The following NCAM2 variants were observed in gnomAD, a reference collection of about 807,000 sequenced individuals.
NCAM2 encodes the protein neural cell adhesion molecule 2.
In NCAM2, 30 loss-of-function variants were observed where a neutral mutation model predicts 98.1. The ratio of observed to expected loss-of-function variants is 0.31; its 90% CI spans 0.23 to 0.41. The LOEUF is 0.41. Ranked by LOEUF, NCAM2 falls within the 10% of genes least tolerant of loss-of-function variation. NCAM2 has a pLI of 1.00. For missense variants in NCAM2, 867 were observed against 1,005.8 expected (o/e 0.86, Z 1.87); for synonymous variants, 368 against 342.4 (o/e 1.07, Z -0.83).
At chr21:21,068,158 A>G (rs538491300) in intron 1 of NCAM2, among the ~76,000 whole-genome samples, 200 of 122,674 alleles carry the variant, frequency 1.6e-3, no homozygotes, top group Admixed American at 3.6e-3. Context: ...TTTTTTTGAG[A>G]CGGAGTCTTG....
chr21:21,453,904 C>G (rs769184975), intron 12 of NCAM2, among the ~76,000 whole-genome samples: 2 of 151,886 alleles, frequency 1.3e-5, no homozygotes, highest in African/African-American at 4.8e-5. Context: ...TTTCTTTCTT[C>G]GGTATGGTGT....
intron 1 of NCAM2, among the ~76,000 whole-genome samples, chr21:21,054,369 A>G (rs2065172258): frequency 6.6e-6 from 1 of 152,026 alleles, no homozygotes; most frequent in Non-Finnish European, 1.5e-5. Context: ...TGTAAATCTT[A>G]CTGCTAACGT....
chr21:21,212,697 C>G (rs2069705057), intron 1 of NCAM2, among the ~76,000 whole-genome samples: 1 of 148,022 alleles, frequency 6.8e-6, no homozygotes, highest in African/African-American at 2.5e-5. Flanking sequence ...TGAGGTGTCT[C>G]TATATTGCTT....
intron 1 of NCAM2, among the ~76,000 whole-genome samples, chr21:21,244,118 T>C (rs1201738062): frequency 2.0e-5 from 3 of 152,142 alleles, no homozygotes; most frequent in Non-Finnish European, 4.4e-5. Context: ...ACTGTAATAA[T>C]GTGAGGCTGA....
intron 8 of NCAM2, among the ~76,000 whole-genome samples, chr21:21,349,502 C>T (rs2075278543): frequency 6.6e-6 from 1 of 152,028 alleles, no homozygotes; most frequent in South Asian, 2.1e-4. Flanking sequence ...AGTAAAATAG[C>T]AATGGAGAAC....
chr21:21,506,589 T>C (rs772671436), intron 15 of NCAM2, among the ~76,000 whole-genome samples: 16 of 152,118 alleles, frequency 1.1e-4, no homozygotes, highest in Non-Finnish European at 4.4e-5. Flanking sequence ...TACACTTGTT[T>C]ATTGAGATTT....
intron 8 of NCAM2, among the ~76,000 whole-genome samples, chr21:21,351,660 A>T (rs1181352755): frequency 6.6e-6 from 1 of 152,158 alleles, no homozygotes; most frequent in Non-Finnish European, 1.5e-5. Flanking sequence ...GTTTTAACAT[A>T]ATTTTGTCAC....
chr21:21,180,187 G>A (rs1177149346), intron 1 of NCAM2, among the ~76,000 whole-genome samples: 6 of 152,044 alleles, frequency 3.9e-5, no homozygotes, highest in Admixed American at 6.6e-5. Context: ...TAACTCTTAA[G>A]ACCCAGACCT....
chr21:21,461,911 G>A (rs1983029118), intron 12 of NCAM2, among the ~76,000 whole-genome samples: 1 of 151,890 alleles, frequency 6.6e-6, no homozygotes, highest in South Asian at 2.1e-4. Context: ...GTGTGGAGCT[G>A]GCATCAAAGT....
chr21:21,272,660 A>G (rs1438913784), intron 1 of NCAM2, among the ~76,000 whole-genome samples: 1 of 152,110 alleles, frequency 6.6e-6, no homozygotes. Flanking sequence ...TTTAAGGGAC[A>G]TTTAAAAAAA....
rs765003346 is a variant in NCAM2, at chr21:21,310,934, G to GT, written c.620-13448dup. ...AGCACAGCTTTAGAACAGCTTTATA[G>GT]TAAGTCCCACAGTTGAGACCTACTT... is the stretch of plus-strand genomic sequence containing the variant. On this transcript the variant is annotated intron_variant, in intron 5 of 17. Transcript: ENST00000400546. Among the ~76,000 whole-genome samples the GT allele has an allele frequency of 5.8e-4, 88 of 152,202 alleles. 1 individual carries two copies. Among genetic ancestry groups the GT allele is most frequent in the South Asian group, 6.2e-4 (3 of 4,826 alleles).
intron 1 of NCAM2, among the ~76,000 whole-genome samples, chr21:21,099,557 A>G (rs546259403): frequency 1.3e-5 from 2 of 151,988 alleles, no homozygotes; most frequent in South Asian, 4.2e-4. Flanking sequence ...CTCACTCACT[A>G]TCATGAGAAC....
chr21:21,508,808 C>CTTTTTTT lies in NCAM2; in HGVS notation c.2078-17_2078-11dup, dbSNP rs764097299. 1.7e-3 allele frequency: 701 copies of CTTTTTTT among 413,360 alleles called. 51 individuals carry two copies. The highest frequency in any genetic ancestry group is 3.5e-3 in the African/African-American group (103 of 29,390). The allele number at this position is 413,360 out of a possible 1,614,324, so 25.6% of individuals were successfully genotyped here. The stretch of plus-strand genomic sequence containing the variant: ...ATTTAGAGGTTTAATACTTTTTTTC[C>CTTTTTTT]TTTTTTTTTTTTTTTTTTTTTTTTT... On this transcript the variant is annotated intron_variant, in intron 15 of 17. Transcript: ENST00000400546.
chr21:21,468,420 G>C (rs1218540188), intron 13 of NCAM2, among the ~76,000 whole-genome samples: 1 of 151,912 alleles, frequency 6.6e-6, no homozygotes, highest in African/African-American at 2.4e-5. Flanking sequence ...TTGCATATCA[G>C]TGAAAATAAT....
At position 21,286,307 on chromosome 21, in the gene NCAM2, T is replaced by C; in HGVS notation, c.376T>C (p.Phe126Leu). ...TFREVVSPQE[F>L]KQGEDAEVVC... ...CAGAGAAGTGGTATCTCCACAAGAATTCAAACAAGGAGAAGATGCAGAAGT... is the reference window on the plus strand; with the variant it reads ...CAGAGAAGTGGTATCTCCACAAGAACTCAAACAAGGAGAAGATGCAGAAGT... Residue 126 changes from phenylalanine (F) to leucine (L), a missense_variant, in exon 4 of 18, where the codon TTC (phenylalanine) becomes CTC (leucine). Physicochemically the swap from Phe to Leu is conservative, Grantham distance 22. Transcript: ENST00000400546. 6.2e-7 allele frequency: 1 copy of C among 1,611,636 alleles called. No homozygotes were observed. The highest frequency in any genetic ancestry group is 8.5e-7 in the Non-Finnish European group (1 of 1,178,678).
rs2074936825 is a variant in NCAM2 at position 21,338,406 on chromosome 21, C to T, written c.916C>T (p.Gln306Ter). 1 of 1,610,990 alleles carries T rather than the reference C, an allele frequency of 6.2e-7. No individual in the cohort carries two copies. Among genetic ancestry groups the T allele is most frequent in the Non-Finnish European group, 8.5e-7 (1 of 1,177,880 alleles). ...LQVFVQPHII[Q>*]LKNETTYENG... ...CTTTACAGTACAGCCTCACATAATA[C>T]AGCTTAAAAATGAAACTACATATGA... The change falls in exon 8 of 18, where the codon CAG becomes TAG. Residue 306 changes from glutamine to a stop codon, truncating the protein, a stop_gained. Transcript: ENST00000400546. LOFTEE classifies it high-confidence loss of function.
chr21:21,356,004 C>T (rs2075469501), intron 8 of NCAM2, among the ~76,000 whole-genome samples: 1 of 152,126 alleles, frequency 6.6e-6, no homozygotes, highest in African/African-American at 2.4e-5. Context: ...CCAAAGTGGT[C>T]CTTGCTGTTT....
At chr21:21,283,348 A>C (rs1472302217) in intron 2 of NCAM2, among the ~76,000 whole-genome samples, 2 of 151,962 alleles carry the variant, frequency 1.3e-5, no homozygotes, top group Non-Finnish European at 1.5e-5. Flanking sequence ...TGCTGCTTCC[A>C]TAAATGATAT....
chr21:21,060,549 T>C (rs1307180400), intron 1 of NCAM2, among the ~76,000 whole-genome samples: 3 of 152,112 alleles, frequency 2.0e-5, no homozygotes, highest in Non-Finnish European at 4.4e-5. Context: ...TCAAGACATA[T>C]GGGAACATTA....
Sources: allele counts gnomAD v4.1 joint callset (sites outside exome capture counted in the v4.1 genomes callset), GRCh38; gene constraint gnomAD v4.1.1; transcripts MANE v1.5; gene names NCBI Gene and HGNC (gene_info 2026-07-23, HGNC 2026-07-21).